The following NR3C2 variants were observed in gnomAD, a reference collection of about 807,000 sequenced individuals.
NR3C2 encodes the protein nuclear receptor subfamily 3 group C member 2.
In NR3C2, 15 loss-of-function variants were observed where a neutral mutation model predicts 86.4. That is an observed-to-expected ratio of 0.17 (90% CI 0.12 to 0.27). The LOEUF (loss-of-function observed/expected upper bound fraction) is 0.27. NR3C2 is among the 10% of genes least tolerant of loss of function. The probability of loss-of-function intolerance (pLI) is 1.00; values close to 1 mark genes in which losing one functional copy is unlikely to be tolerated. For synonymous variants in NR3C2, 458 were observed against 450.5 expected (o/e 1.02, Z -0.21); for missense variants, 960 against 1,195.6 (o/e 0.80, Z 2.91).
chr4:148,117,129 C>G (rs1316888055), intron 7 of NR3C2, among the ~76,000 whole-genome samples: 2 of 152,140 alleles, frequency 1.3e-5, no homozygotes, highest in African/African-American at 4.8e-5. Flanking sequence ...GTTGTAAACA[C>G]AAGAGCAGCG....
chr4:148,195,660 A>G (rs986191049), intron 3 of NR3C2, among the ~76,000 whole-genome samples: 3 of 152,226 alleles, frequency 2.0e-5, no homozygotes, highest in Non-Finnish European at 4.4e-5. Flanking sequence ...AAAGGTCTAT[A>G]GATCTATCAG....
At position 148,411,177 on chromosome 4, in the gene NR3C2, G is replaced by T. The variant is rs547806788; in HGVS notation, c.1757+23927C>A. On this transcript the variant is annotated intron_variant, in intron 2 of 8. Coordinates refer to ENST00000358102, the MANE Select transcript of NR3C2 (RefSeq NM_000901.5). ...CCCAAACAAAGAATCAAAGAAACTA[G>T]TTCTAGGTTCCAAACTATTTTTGTT... Among the ~76,000 whole-genome samples the T allele has an allele frequency of 1.7e-3, 241 of 141,726 alleles. 1 individual carries two copies. Among genetic ancestry groups the T allele is most frequent in the African/African-American group, 5.9e-3 (227 of 38,636 alleles). The allele number at this position is 141,726 out of a possible 152,430, so 93.0% of individuals were successfully genotyped here.
At chr4:148,254,097 C>G (rs555153371) in intron 3 of NR3C2, among the ~76,000 whole-genome samples, 2 of 152,236 alleles carry the variant, frequency 1.3e-5, no homozygotes, top group East Asian at 3.9e-4. Context: ...CCCTCTCAAT[C>G]CCTGATAGCC....
intron 6 of NR3C2, among the ~76,000 whole-genome samples, chr4:148,130,862 C>T (rs1291476271): frequency 1.1e-4 from 14 of 132,864 alleles, no homozygotes; most frequent in Admixed American, 1.8e-4. Context: ...CTCGCTCTAT[C>T]GCCCAGGCTG....
intron 2 of NR3C2, among the ~76,000 whole-genome samples, chr4:148,342,783 C>T (rs1362736429): frequency 6.6e-6 from 1 of 151,502 alleles, no homozygotes; most frequent in African/African-American, 2.4e-5. Flanking sequence ...ATTTTTATAA[C>T]AGTAACAGTA....
chr4:148,443,907 A>T (rs1336064729), upstream of NR3C2: 4 of 763,756 alleles, frequency 5.2e-6, no homozygotes, highest in Non-Finnish European at 6.4e-6. Context: ...TCCAGTCAGG[A>T]ACTCCCTGGA....
chr4:148,201,690 A>G (rs886159973), intron 3 of NR3C2, among the ~76,000 whole-genome samples: 2 of 152,186 alleles, frequency 1.3e-5, no homozygotes, highest in African/African-American at 4.8e-5. Flanking sequence ...GACTTCTGGC[A>G]TATCTCCCCC....
Position 148,081,260 on chromosome 4 carries a change from G to A in NR3C2, c.*84C>T. The A allele has an allele frequency of 6.4e-7, 1 of 1,557,078 alleles. No individual in the cohort carries two copies. Among genetic ancestry groups the A allele is most frequent in the South Asian group, 1.1e-5 (1 of 88,810 alleles). On this transcript the variant is annotated 3_prime_UTR_variant, in exon 9 of 9. Coordinates refer to ENST00000358102, the MANE Select transcript of NR3C2 (RefSeq NM_000901.5). ...AACAAGTGTGAATCAACCATCACAT[G>A]TTAAAAACAGGTTTTCTTGGGTCCT...
chr4:148,122,841 T>C (rs573054722), intron 6 of NR3C2, among the ~76,000 whole-genome samples: 172 of 152,296 alleles, frequency 1.1e-3, no homozygotes, highest in African/African-American at 4.0e-3. Context: ...AAAATTGTGT[T>C]AACTGTACAA....
At chr4:148,091,964 G>A (rs1731081663) in intron 8 of NR3C2, among the ~76,000 whole-genome samples, 1 of 152,086 alleles carries the variant, frequency 6.6e-6, no homozygotes, top group Non-Finnish European at 1.5e-5. Flanking sequence ...AGTTCATCAG[G>A]ATGTGTCAGT....
intron 2 of NR3C2, among the ~76,000 whole-genome samples, chr4:148,284,498 T>C (rs1040011092): frequency 1.3e-5 from 2 of 152,196 alleles, no homozygotes; most frequent in African/African-American, 2.4e-5. Flanking sequence ...ATTTTACTTT[T>C]ACCTATACAA....
At chr4:148,440,239 T>C (rs1238815872) in intron 1 of NR3C2, among the ~76,000 whole-genome samples, 1 of 152,188 alleles carries the variant, frequency 6.6e-6, no homozygotes, top group Non-Finnish European at 1.5e-5. Context: ...ATATTTTGAG[T>C]CTCCCTAGTA....
intron 6 of NR3C2, among the ~76,000 whole-genome samples, chr4:148,136,941 C>A (rs1733375514): frequency 6.6e-6 from 1 of 152,168 alleles, no homozygotes; most frequent in South Asian, 2.1e-4. Flanking sequence ...TGTTTCATTT[C>A]TTTTGATTCT....
intron 2 of NR3C2, among the ~76,000 whole-genome samples, chr4:148,360,233 T>C (rs1745771162): frequency 6.6e-6 from 1 of 152,224 alleles, no homozygotes; most frequent in African/African-American, 2.4e-5. Flanking sequence ...TAGAGAACTT[T>C]GGAAAAATAA....
At chr4:148,119,944 T>G (rs1470889357) in intron 7 of NR3C2, among the ~76,000 whole-genome samples, 1 of 152,174 alleles carries the variant, frequency 6.6e-6, no homozygotes, top group Non-Finnish European at 1.5e-5. Flanking sequence ...GATGAAGGAA[T>G]GTTGGGGTAT....
chr4:148,242,032 G>A (rs1387409561), intron 3 of NR3C2, among the ~76,000 whole-genome samples: 2 of 152,172 alleles, frequency 1.3e-5, no homozygotes, highest in South Asian at 2.1e-4. Context: ...GTGCATGACA[G>A]GGGCTGGGGG....
intron 2 of NR3C2, among the ~76,000 whole-genome samples, chr4:148,324,452 A>G (rs61061891): frequency 0.034 from 5,177 of 151,914 alleles, 287 homozygotes; most frequent in African/African-American, 0.12. Context: ...GGTTGTTTCC[A>G]TATCTTGGCT....
At chr4:148,356,611 T>G (rs902077281) in intron 2 of NR3C2, among the ~76,000 whole-genome samples, 1 of 152,152 alleles carries the variant, frequency 6.6e-6, no homozygotes. Flanking sequence ...TATAAACCTA[T>G]GAAATTATTT....
chr4:148,152,346 G>A (rs1006280137), intron 6 of NR3C2, 123 bp downstream of exon 6: 106 of 1,083,306 alleles, frequency 9.8e-5, no homozygotes, highest in Non-Finnish European at 1.4e-4. Context: ...AATTTTTAAC[G>A]TTAAAAAATG....
Sources: allele counts gnomAD v4.1 joint callset (sites outside exome capture counted in the v4.1 genomes callset), GRCh38; gene constraint gnomAD v4.1.1; transcripts MANE v1.5; gene names NCBI Gene and HGNC (gene_info 2026-07-23, HGNC 2026-07-21).